The following SOS1 variants were observed in gnomAD, a reference collection of about 807,000 sequenced individuals.
SOS1 encodes SOS Ras/Rac guanine nucleotide exchange factor 1.
SOS1 carries 25 observed loss-of-function variants against 157.6 expected under a neutral mutation model. The observed-to-expected ratio is 0.16, with a 90% CI of 0.12 to 0.22. The LOEUF is 0.22. SOS1 is among the 10% of genes least tolerant of loss of function. The probability of loss-of-function intolerance (pLI) is 1.00; values close to 1 mark genes in which losing one functional copy is unlikely to be tolerated. For synonymous variants in SOS1, 528 were observed against 534.0 expected, an observed-to-expected ratio of 0.99 and a Z score of 0.16; for missense variants, 1,237 against 1,599.1, an observed-to-expected ratio of 0.77 and a Z score of 3.86.
At chr2:39,017,766 C>T (rs983071480) in intron 10 of SOS1, among the ~76,000 whole-genome samples, 15 of 151,974 alleles carry the variant, frequency 9.9e-5, no homozygotes, top group Admixed American at 2.0e-4. Flanking sequence ...CATACTAAGA[C>T]GACAAAGTAC....
At chr2:39,060,397 A>T (rs1012262834) in intron 2 of SOS1, among the ~76,000 whole-genome samples, 2 of 152,176 alleles carry the variant, frequency 1.3e-5, no homozygotes, top group African/African-American at 4.8e-5. Context: ...TATATGTAGC[A>T]CACTGGCATT....
In SOS1 at chr2:38,996,996, T is replaced by A. The variant is rs760717289; in HGVS notation, c.3007A>T (p.Lys1003Ter). Reference sequence around the variant, plus strand: ...TTGAAAAGATAATCTGTAAATTCCTTCTCCATGCTATTTCCCATCGGATTC... The same window carrying A: ...TTGAAAAGATAATCTGTAAATTCCTACTCCATGCTATTTCCCATCGGATTC... ...NLNPMGNSME[K>*]EFTDYLFNKS... The change falls in exon 19 of 23, where the codon AAG becomes TAG. Residue 1003 changes from lysine to a stop codon, truncating the protein, a stop_gained. Transcript: ENST00000402219. LOFTEE classifies it high-confidence loss of function. 6.2e-7 allele frequency: 1 copy of A among 1,606,806 alleles called. No homozygotes were observed.
At chr2:39,005,198 G>T (rs111468321) in intron 17 of SOS1, among the ~76,000 whole-genome samples, 14 of 152,188 alleles carry the variant, frequency 9.2e-5, no homozygotes, top group African/African-American at 3.4e-4. Context: ...ACATGAATGT[G>T]GTCTTTCTCT....
chr2:39,106,874 A>C (rs1553370934), intron 1 of SOS1, among the ~76,000 whole-genome samples: 2 of 152,232 alleles, frequency 1.3e-5, no homozygotes, highest in Non-Finnish European at 2.9e-5. Context: ...CTGGTTCACC[A>C]GTTCATAGAG....
intron 1 of SOS1, among the ~76,000 whole-genome samples, chr2:39,105,377 A>G (rs769818704): frequency 6.6e-6 from 1 of 151,866 alleles, no homozygotes; most frequent in South Asian, 2.1e-4. Flanking sequence ...ACAGCATCCT[A>G]AAGTGCTGGG....
intron 17 of SOS1, among the ~76,000 whole-genome samples, chr2:39,005,036 C>T (rs1669238463): frequency 6.6e-6 from 1 of 152,150 alleles, no homozygotes; most frequent in African/African-American, 2.4e-5. Flanking sequence ...AGTAGTCCCT[C>T]CCTTATCCAA....
intron 2 of SOS1, among the ~76,000 whole-genome samples, chr2:39,066,880 C>T (rs1011162100): frequency 1.3e-5 from 2 of 152,084 alleles, no homozygotes; most frequent in Non-Finnish European, 2.9e-5. Context: ...ATATGCCACT[C>T]CTAAAGGTAT....
At chr2:39,121,471 G>C (rs890458652), upstream of SOS1, among the ~76,000 whole-genome samples, 3 of 152,226 alleles carry the variant, frequency 2.0e-5, no homozygotes, top group Admixed American at 2.0e-4. Flanking sequence ...CTGCTGAGTA[G>C]TAGAAGTGAT....
chr2:39,025,081 T>G (rs186013022), intron 8 of SOS1, among the ~76,000 whole-genome samples: 238 of 152,372 alleles, frequency 1.6e-3, no homozygotes, highest in Non-Finnish European at 2.6e-3. Context: ...ATCTTAAACC[T>G]GTTCCTGGTT....
intron 1 of SOS1, among the ~76,000 whole-genome samples, chr2:39,091,312 T>C (rs1672587466): frequency 6.6e-6 from 1 of 152,202 alleles, no homozygotes; most frequent in African/African-American, 2.4e-5. Context: ...CTTACCTTTG[T>C]ACCCTAGTTC....
At chr2:39,119,904 G>T (rs1286952847) in intron 1 of SOS1, among the ~76,000 whole-genome samples, 1 of 152,114 alleles carries the variant, frequency 6.6e-6, no homozygotes, top group Admixed American at 6.5e-5. Context: ...CAATTCCTTT[G>T]AGCAAGCCTT....
At chr2:39,000,597 A>G (rs975873934) in intron 17 of SOS1, among the ~76,000 whole-genome samples, 6 of 152,228 alleles carry the variant, frequency 3.9e-5, no homozygotes, top group African/African-American at 9.6e-5. Flanking sequence ...TGTCTTTCCC[A>G]TCCTTCCCAG....
At chr2:39,115,875 T>C (rs1673631659) in intron 1 of SOS1, among the ~76,000 whole-genome samples, 1 of 152,236 alleles carries the variant, frequency 6.6e-6, no homozygotes, top group African/African-American at 2.4e-5. Context: ...TGTATAAGTC[T>C]TTGTATAAGC....
At chr2:39,065,726 T>A (rs1671568319) in intron 2 of SOS1, among the ~76,000 whole-genome samples, 1 of 152,182 alleles carries the variant, frequency 6.6e-6, no homozygotes, top group Non-Finnish European at 1.5e-5. Context: ...CACTACTTAA[T>A]AACTTGGGCA....
chr2:39,053,272 T>C (rs1398763151), intron 5 of SOS1, among the ~76,000 whole-genome samples: 1 of 152,156 alleles, frequency 6.6e-6, no homozygotes, highest in Non-Finnish European at 1.5e-5. Flanking sequence ...ATTTCAACTT[T>C]TGGTATTATA....
intron 6 of SOS1, among the ~76,000 whole-genome samples, chr2:39,042,712 ATTT>A (rs200188697): frequency 7.5e-6 from 1 of 132,642 alleles, no homozygotes; most frequent in Non-Finnish European, 1.6e-5. Context: ...TAATTTTATG[ATTT>A]TTTTTTTTTT....
At chr2:39,079,319 A>T (rs1672124365) in intron 1 of SOS1, among the ~76,000 whole-genome samples, 1 of 152,118 alleles carries the variant, frequency 6.6e-6, no homozygotes, top group Non-Finnish European at 1.5e-5. Context: ...TCAAGTTCAT[A>T]AAAAAGCAAA....
chr2:39,023,893 A>G (rs1444824938), intron 9 of SOS1, 117 bp downstream of exon 9: 2 of 724,306 alleles, frequency 2.8e-6, no homozygotes, highest in East Asian at 5.4e-5. Flanking sequence ...CTAAAAGACC[A>G]GGCTTGTCAC....
At chr2:39,085,801 C>A (rs1158808632) in intron 1 of SOS1, among the ~76,000 whole-genome samples, 2 of 152,132 alleles carry the variant, frequency 1.3e-5, no homozygotes, top group African/African-American at 4.8e-5. Context: ...GGCTATATCC[C>A]AAATATGATA....
Sources: allele counts gnomAD v4.1 joint callset (sites outside exome capture counted in the v4.1 genomes callset), GRCh38; gene constraint gnomAD v4.1.1; transcripts MANE v1.5; gene names NCBI Gene and HGNC (gene_info 2026-07-23, HGNC 2026-07-21).